The following SLC2A9 variants were observed in gnomAD, a reference collection of about 807,000 sequenced individuals.
The protein encoded by SLC2A9 is solute carrier family 2, facilitated glucose transporter member 9.
SLC2A9 carries 39 observed loss-of-function variants against 50.6 expected under a neutral mutation model. The observed-to-expected ratio is 0.77, with a 90% confidence interval of 0.60 to 1.01. The LOEUF is 1.01. Among genes scored for constraint, SLC2A9 ranks in the 50% least tolerant of loss-of-function variants. The pLI is 0.00. For synonymous variants in SLC2A9, 324 were observed against 276.9 expected (o/e 1.17, Z -1.69); for missense variants, 686 against 677.6 (o/e 1.01, Z -0.14).
downstream of SLC2A9, among the ~76,000 whole-genome samples, chr4:9,778,089 C>T (rs534372752): frequency 7.1e-5 from 9 of 127,118 alleles, 1 homozygote; most frequent in South Asian, 2.6e-4. Context: ...TCCTTCCTTC[C>T]TTCCTTCCTT....
At chr4:9,788,454 G>C (rs1243388531) in intron 3 of SLC2A9, among the ~76,000 whole-genome samples, 1 of 150,060 alleles carries the variant, frequency 6.7e-6, no homozygotes, top group African/African-American at 2.5e-5. Flanking sequence ...GCCTCCCAAA[G>C]TCCTGGGATT....
upstream of SLC2A9, chr4:10,025,851 C>A (rs1763731978): frequency 4.4e-6 from 7 of 1,574,384 alleles, no homozygotes; most frequent in Middle Eastern, 1.0e-3. Context: ...GGTACTACCC[C>A]CTGGGTGACC....
At chr4:9,936,622 G>T (rs1292182909) in intron 6 of SLC2A9, among the ~76,000 whole-genome samples, 1 of 152,248 alleles carries the variant, frequency 6.6e-6, no homozygotes, top group East Asian at 1.9e-4. Context: ...TCTGCTGAAT[G>T]TCTGCATGTG....
chr4:9,872,489 T>C (rs1733611350), intron 10 of SLC2A9, among the ~76,000 whole-genome samples: 1 of 152,254 alleles, frequency 6.6e-6, no homozygotes, highest in Non-Finnish European at 1.5e-5. Flanking sequence ...CTATCCAGAC[T>C]CCTGTTTTCC....
At chr4:9,867,724 G>T (rs1484408198) in intron 10 of SLC2A9, among the ~76,000 whole-genome samples, 2 of 152,214 alleles carry the variant, frequency 1.3e-5, no homozygotes, top group Admixed American at 6.5e-5. Context: ...CGTGGATGGA[G>T]GTCTGACTGC....
chr4:9,899,115 TA>T (rs1315878961), intron 8 of SLC2A9, among the ~76,000 whole-genome samples: 1 of 152,182 alleles, frequency 6.6e-6, no homozygotes, highest in Admixed American at 6.5e-5. Context: ...GAGAGAAATG[TA>T]AATGCTGGGG....
rs149735818 is a variant in SLC2A9, at chr4:9,997,757, C to T, written c.250-816G>A. Among the ~76,000 whole-genome samples the T allele has an allele frequency of 7.9e-3, 1,182 of 149,504 alleles. 10 individuals are homozygous for T. Among genetic ancestry groups the T allele is most frequent in the Admixed American group, 0.018 (278 of 15,086 alleles). On this transcript the variant is annotated intron_variant, in intron 2 of 11. Transcript: ENST00000264784. ...AAAAAAAATAGGCAAAAATGCAACA[C>T]ACACAAAAAAACTAGCCATAAAAGA... is the stretch of plus-strand genomic sequence containing the variant.
rs539258371 is a variant in SLC2A9 at position 9,863,002 on chromosome 4, T to C, written c.1291+24565A>G. Among the ~76,000 whole-genome samples the C allele has an allele frequency of 5.9e-5, 9 of 152,186 alleles. No homozygotes were observed. In the East Asian group the frequency reaches 1.7e-3, roughly 29 times the overall value. The stretch of plus-strand genomic sequence containing the variant: ...GCATTGGACAATAAAGCACAATGAA[T>C]GTGCCCCGCCCAGGGAGGCCAACTG... On this transcript the variant is annotated intron_variant, in intron 10 of 11. Transcript: ENST00000264784.
At chr4:9,896,121 A>G (rs1738513937) in intron 8 of SLC2A9, among the ~76,000 whole-genome samples, 1 of 152,224 alleles carries the variant, frequency 6.6e-6, no homozygotes, top group Admixed American at 6.5e-5. Flanking sequence ...TTGGGTAAAT[A>G]TGTATAAGTG....
chr4:9,870,972 A>T (rs1320526862), intron 10 of SLC2A9, among the ~76,000 whole-genome samples: 3 of 152,148 alleles, frequency 2.0e-5, no homozygotes. Context: ...GTTGCAGTAC[A>T]TTGGTGTAAT....
chr4:9,851,740 T>C (rs891389702), intron 10 of SLC2A9, among the ~76,000 whole-genome samples: 7 of 152,102 alleles, frequency 4.6e-5, no homozygotes, highest in Non-Finnish European at 7.4e-5. Context: ...ACTTATCTGA[T>C]AGAGCTGAAA....
intron 2 of SLC2A9, among the ~76,000 whole-genome samples, chr4:10,017,113 GC>G (rs1560495591): frequency 6.6e-6 from 1 of 152,100 alleles, no homozygotes; most frequent in Non-Finnish European, 1.5e-5. Context: ...CCTCCTCCAG[GC>G]TGTCTTCCCT....
At chr4:10,028,117 C>T (rs1297923041) in intron 1 of SLC2A9, among the ~76,000 whole-genome samples, 3 of 152,162 alleles carry the variant, frequency 2.0e-5, no homozygotes, top group African/African-American at 7.2e-5. Flanking sequence ...CCCAGCTGCC[C>T]AAGCAGCCCC....
chr4:9,852,293 C>A (rs371389339), intron 10 of SLC2A9, among the ~76,000 whole-genome samples: 1 of 151,128 alleles, frequency 6.6e-6, no homozygotes, highest in African/African-American at 2.4e-5. Flanking sequence ...TCGCCCAGGC[C>A]GGACTGCGGA....
intron 10 of SLC2A9, among the ~76,000 whole-genome samples, chr4:9,844,587 AC>A (rs1728651427): frequency 6.6e-6 from 1 of 152,356 alleles, no homozygotes; most frequent in African/African-American, 2.4e-5. Context: ...TATGAGACTT[AC>A]TTTTTGAAAA....
intron 2 of SLC2A9, among the ~76,000 whole-genome samples, chr4:10,000,068 C>T (rs1759494773): frequency 6.6e-6 from 1 of 152,092 alleles, no homozygotes. Flanking sequence ...GGAGGGGAGA[C>T]ACCCTCTGCT....
intron 5 of SLC2A9, among the ~76,000 whole-genome samples, chr4:9,954,599 C>T (rs1018398593): frequency 2.1e-4 from 32 of 152,254 alleles, no homozygotes; most frequent in African/African-American, 6.7e-4. Flanking sequence ...GGTGTGGTAG[C>T]GGCCCTGGGT....
chr4:9,938,701 C>T (rs994292335), intron 6 of SLC2A9, among the ~76,000 whole-genome samples: 7 of 152,212 alleles, frequency 4.6e-5, no homozygotes, highest in Non-Finnish European at 7.3e-5. Context: ...GTTAGAATCT[C>T]GCTTCTGTGA....
chr4:9,871,199 T>C (rs1164946688), intron 10 of SLC2A9, among the ~76,000 whole-genome samples: 1 of 152,200 alleles, frequency 6.6e-6, no homozygotes, highest in African/African-American at 2.4e-5. Flanking sequence ...AAGAGTCAGA[T>C]GGTGGAAATC....
Sources: allele counts gnomAD v4.1 joint callset (sites outside exome capture counted in the v4.1 genomes callset), GRCh38; gene constraint gnomAD v4.1.1; transcripts MANE v1.5; gene names NCBI Gene and HGNC (gene_info 2026-07-23, HGNC 2026-07-21).